Variants in CAPZB observed in about 807,000 individuals in gnomAD.
CAPZB encodes the protein capping actin protein of muscle Z-line subunit beta.
CAPZB carries 2 observed loss-of-function variants against 38.1 expected under a neutral mutation model. The observed-to-expected ratio is 0.05, with a 90% confidence interval of 0.02 to 0.17. The LOEUF (loss-of-function observed/expected upper bound fraction) is 0.17. CAPZB is among the 10% of genes least tolerant of loss of function. The probability of loss-of-function intolerance (pLI) is 1.00; values close to 1 mark genes in which losing one functional copy is unlikely to be tolerated. For synonymous variants in CAPZB, 107 were observed against 127.4 expected (o/e 0.84, Z 1.08); for missense variants, 161 against 334.2 (o/e 0.48, Z 4.04).
At chr1:19,395,622 T>C (rs773042768) in intron 2 of CAPZB, among the ~76,000 whole-genome samples, 18 of 152,224 alleles carry the variant, frequency 1.2e-4, no homozygotes, top group Non-Finnish European at 2.2e-4. Flanking sequence ...ACAAGGCTCC[T>C]GTTGTCCACA....
intron 8 of CAPZB, among the ~76,000 whole-genome samples, chr1:19,340,866 A>T (rs553135793): frequency 6.6e-5 from 10 of 152,300 alleles, no homozygotes; most frequent in Admixed American, 6.5e-4. Flanking sequence ...CAGTGGAAAG[A>T]GTGGGTAGAG....
intron 1 of CAPZB, among the ~76,000 whole-genome samples, chr1:19,468,441 C>T (rs2100765797): frequency 6.6e-6 from 1 of 152,226 alleles, no homozygotes; most frequent in East Asian, 1.9e-4. Context: ...TTCACTAGCT[C>T]GGGGTCCCCA....
In CAPZB at chr1:19,357,173, T is replaced by C. The variant is rs979200498; in HGVS notation, c.471+249A>G. 1.3e-5 allele frequency among the ~76,000 whole-genome samples: 2 copies of C among 152,198 alleles called. No homozygotes were observed. Among genetic ancestry groups the C allele is most frequent in the African/African-American group, 2.4e-5 (1 of 41,460 alleles). On this transcript the variant is annotated intron_variant, in intron 5 of 8. Transcript: ENST00000264202. The surrounding 1 kb of genome is among the most constrained non-coding windows in gnomAD (Gnocchi z 4.3). ...AGCCACCGTACCTGGCCTCACAATA[T>C]TGTCTTTCTTAAAAAATCTCAACTG... is the stretch of plus-strand genomic sequence containing the variant.
In CAPZB at chr1:19,387,297, A is replaced by C. The variant is rs60298567; in HGVS notation, c.94-1671T>G. Among the ~76,000 whole-genome samples the C allele has an allele frequency of 1.1e-3, 166 of 152,326 alleles. 2 individuals carry two copies. The East Asian group carries it at 0.031, about 28-fold the overall frequency. On this transcript the variant is annotated intron_variant, in intron 2 of 8. Transcript: ENST00000264202. ...TTTGGTTTAATGTCCAGCTAAGGGG[A>C]AGGACAGTGCATGCTAAAGGCACCC...
intron 2 of CAPZB, among the ~76,000 whole-genome samples, chr1:19,394,192 G>C (rs1173656088): frequency 6.6e-6 from 1 of 152,134 alleles, no homozygotes; most frequent in African/African-American, 2.4e-5. Flanking sequence ...TAGAGATGGG[G>C]TTTCACCATG....
At chr1:19,346,938 C>T (rs959351173) in intron 6 of CAPZB, among the ~76,000 whole-genome samples, 6 of 151,108 alleles carry the variant, frequency 4.0e-5, no homozygotes, top group Non-Finnish European at 8.8e-5. Flanking sequence ...ATTCTCCTGC[C>T]TCAGCCTCCC....
At chr1:19,477,630 A>G (rs1570378018) in intron 1 of CAPZB, among the ~76,000 whole-genome samples, 1 of 152,228 alleles carries the variant, frequency 6.6e-6, no homozygotes, top group African/African-American at 2.4e-5. Flanking sequence ...GCAACACTCT[A>G]CCTGCCAATC....
chr1:19,480,685 AG>A (rs2100817852), intron 1 of CAPZB, among the ~76,000 whole-genome samples: 1 of 152,288 alleles, frequency 6.6e-6, no homozygotes, highest in East Asian at 1.9e-4. Flanking sequence ...GGCACAAACA[AG>A]GAATTCGGGC....
At chr1:19,470,479 T>C (rs2094583329) in intron 1 of CAPZB, among the ~76,000 whole-genome samples, 1 of 152,224 alleles carries the variant, frequency 6.6e-6, no homozygotes, top group African/African-American at 2.4e-5. Flanking sequence ...TTGGAAAATG[T>C]GGTCTTTCCA....
At chr1:19,449,232 C>G (rs1051126653) in intron 1 of CAPZB, 1 of 1,120,370 alleles carries the variant, frequency 8.9e-7, no homozygotes, top group Non-Finnish European at 1.1e-6. Flanking sequence ...ACCAGGACAA[C>G]AGGAACAAAG....
At chr1:19,355,822 C>A (rs1472553779) in intron 6 of CAPZB, among the ~76,000 whole-genome samples, 2 of 152,194 alleles carry the variant, frequency 1.3e-5, no homozygotes, top group Non-Finnish European at 2.9e-5. Context: ...TGCACTGGCA[C>A]AGGTTTAAGG....
intron 4 of CAPZB, among the ~76,000 whole-genome samples, chr1:19,364,668 A>C (rs1240692913): frequency 6.6e-6 from 1 of 152,198 alleles, no homozygotes; most frequent in African/African-American, 2.4e-5. Context: ...AAAGAACAGA[A>C]AACAATGCCC....
Position 19,345,239 on chromosome 1 carries a change from T to C in CAPZB, c.602A>G (p.Glu201Gly). Residue 201 changes from glutamate (E) to glycine (G), a missense_variant, in exon 7 of 9, where the codon GAA becomes GGA. Glu to Gly is a moderately conservative substitution (Grantham distance 98). Coordinates refer to ENST00000264202, the MANE Select transcript of CAPZB (RefSeq NM_004930.5). ...GSLTRQMEKD[E>G]TVSDCSPHIA... Reference sequence around the variant, plus strand: ...GTGTGGGGAGCAGTCACTCACAGTTTCATCCTTCTCCATCTGCAAAAGACA... The same window carrying C: ...GTGTGGGGAGCAGTCACTCACAGTTCCATCCTTCTCCATCTGCAAAAGACA... The C allele has an allele frequency of 6.2e-7, 1 of 1,613,638 alleles. No individual in the cohort carries two copies. The highest frequency in any genetic ancestry group is 1.7e-4 in the Middle Eastern group (1 of 6,060).
intron 3 of CAPZB, among the ~76,000 whole-genome samples, chr1:19,382,291 T>C (rs1357526759): frequency 2.6e-5 from 4 of 152,108 alleles, no homozygotes; most frequent in Non-Finnish European, 5.9e-5. Context: ...ACCAGAATAT[T>C]CTTAGTGGAA....
At position 19,434,970 on chromosome 1, in the gene CAPZB, GT is replaced by G. The variant is rs1224984655; in HGVS notation, c.4-15221del. On this transcript the variant is annotated intron_variant, in intron 1 of 8. Transcript: ENST00000264202. ...GCCTGATAATCAAGTCAGTCAAAAA[GT>G]TTTTTTTTTCCTTTCTGTCTCAAAG... 3.9e-3 allele frequency among the ~76,000 whole-genome samples: 275 copies of G among 71,154 alleles called. 1 individual carries two copies. The highest frequency in any genetic ancestry group is 9.0e-3 in the African/African-American group (210 of 23,424). 46.7% of individuals were successfully genotyped at this position (71,154 alleles called of 152,430 possible). A position where few individuals can be genotyped will look rare whatever the true frequency, so the allele number is the denominator to read the frequency against.
chr1:19,348,757 C>G (rs1569886339), intron 6 of CAPZB, among the ~76,000 whole-genome samples: 1 of 78,844 alleles, frequency 1.3e-5, no homozygotes, highest in East Asian at 3.1e-4. Context: ...TGGCATCTGA[C>G]AAGGGGGGGG....
intron 1 of CAPZB, among the ~76,000 whole-genome samples, chr1:19,442,011 A>C (rs2094478828): frequency 6.8e-6 from 1 of 147,874 alleles, no homozygotes; most frequent in Non-Finnish European, 1.5e-5. Context: ...TCTGTCTCCA[A>C]AAAAAAAAAA....
At chr1:19,449,405 G>A in intron 1 of CAPZB, 1 of 899,554 alleles carries the variant, frequency 1.1e-6, no homozygotes, top group South Asian at 4.9e-5. Flanking sequence ...TTAAGGTGAG[G>A]AAAGAACCAG....
intron 1 of CAPZB, among the ~76,000 whole-genome samples, chr1:19,460,208 TA>T (rs1279199777): frequency 1.3e-5 from 2 of 152,254 alleles, no homozygotes; most frequent in Middle Eastern, 3.2e-3. Context: ...CAGTGTGTAG[TA>T]AGTGCTTAGT....
Sources: gnomAD v4.1 joint callset for allele counts (sites outside exome capture counted in the v4.1 genomes callset) on GRCh38, gnomAD v4.1.1 for gene constraint, Gnocchi (gnomAD v3.1) non-coding constraint, MANE v1.5 for transcripts, NCBI Gene and HGNC (gene_info 2026-07-23, HGNC 2026-07-21) for gene names.